The following CERKL variants were observed in gnomAD, a reference collection of about 807,000 sequenced individuals.
The protein encoded by CERKL is ceramide kinase-like protein.
In CERKL, 61 loss-of-function variants were observed where a neutral mutation model predicts 63.4. The observed-to-expected ratio is 0.96, with a 90% CI of 0.78 to 1.19. The LOEUF (loss-of-function observed/expected upper bound fraction) is 1.19, where lower values mean the gene tolerates loss of function less well. Among genes scored for constraint, CERKL ranks in the 50% most tolerant of loss-of-function variants. The probability of loss-of-function intolerance (pLI) is 0.00; values close to 1 mark genes in which losing one functional copy is unlikely to be tolerated. For synonymous variants in CERKL, 250 were observed against 230.5 expected, an observed-to-expected ratio of 1.08 and a Z score of -0.77; for missense variants, 675 against 655.5, an observed-to-expected ratio of 1.03 and a Z score of -0.33.
intron 1 of CERKL, among the ~76,000 whole-genome samples, chr2:181,615,018 TATC>T (rs1362844012): frequency 5.3e-5 from 8 of 152,228 alleles, no homozygotes; most frequent in African/African-American, 7.2e-5. Context: ...GGTTCATTAG[TATC>T]ATACTGGTTA....
intron 1 of CERKL, chr2:181,650,079 A>AAGGGAGGGAGGGAGGGAGGG (rs34125706): frequency 1.4e-4 from 6 of 44,402 alleles, no homozygotes; most frequent in African/African-American, 2.7e-4. Context: ...AGCAATACAG[A>AAGGGAGGGAGGGAGGGAGGG]AGGGAGGGAG....
At chr2:181,653,521 G>T (rs1688022827) in intron 1 of CERKL, among the ~76,000 whole-genome samples, 1 of 152,158 alleles carries the variant, frequency 6.6e-6, no homozygotes. Flanking sequence ...GTACAACAAT[G>T]GATGAATAAA....
rs186409205 is a variant in CERKL at position 181,616,137 on chromosome 2, G to C, written c.239-12058C>G. ...GCTGAGATACTTCTTAAGAATGTAA[G>C]CATTTGAGGATATACAGATATTTTC... On this transcript the variant is annotated intron_variant, in intron 1 of 12. Transcript: ENST00000410087. Among the ~76,000 whole-genome samples the C allele has an allele frequency of 3.6e-3, 548 of 150,230 alleles. 4 individuals are homozygous for C. Among genetic ancestry groups the C allele is most frequent in the African/African-American group, 0.013 (525 of 40,606 alleles).
intron 5 of CERKL, among the ~76,000 whole-genome samples, chr2:181,553,141 G>A (rs1688058962): frequency 6.6e-6 from 1 of 152,132 alleles, no homozygotes; most frequent in African/African-American, 2.4e-5. Context: ...GTGAGTCTAT[G>A]GACCCTAAGT....
At chr2:181,582,832 T>G (rs1271817907) in intron 2 of CERKL, among the ~76,000 whole-genome samples, 1 of 152,062 alleles carries the variant, frequency 6.6e-6, no homozygotes, top group Admixed American at 6.5e-5. Context: ...GCATGAGCCA[T>G]TGCACCTGGC....
At position 181,537,469 on chromosome 2, in the gene CERKL, G is replaced by C; in HGVS notation, c.*715C>G. 2.2e-6 allele frequency: 1 copy of C among 450,348 alleles called. No individual in the cohort carries two copies. Among genetic ancestry groups the C allele is most frequent in the Non-Finnish European group, 4.5e-6 (1 of 224,334 alleles). The allele number at this position is 450,348 out of a possible 1,614,324, so 27.9% of individuals were successfully genotyped here. On this transcript the variant is annotated 3_prime_UTR_variant, in exon 13 of 13. Transcript: ENST00000410087. ...GAATTTTAAAACCCTACCACTTTAA[G>C]AAGACAGGGATGGGTTATTCTTTTT... is the stretch of plus-strand genomic sequence containing the variant.
intron 2 of CERKL, among the ~76,000 whole-genome samples, chr2:181,587,721 T>C (rs1259424891): frequency 6.6e-6 from 1 of 152,152 alleles, no homozygotes; most frequent in Non-Finnish European, 1.5e-5. Flanking sequence ...TAATCCTTCA[T>C]GAACTAGAAA....
intron 1 of CERKL, among the ~76,000 whole-genome samples, chr2:181,616,665 G>A (rs903131826): frequency 1.1e-4 from 17 of 152,102 alleles, no homozygotes; most frequent in African/African-American, 3.6e-4. Context: ...AAAAAGAACA[G>A]TATAATAGAA....
intron 1 of CERKL, among the ~76,000 whole-genome samples, chr2:181,627,907 G>A (rs1686781571): frequency 6.6e-6 from 1 of 152,124 alleles, no homozygotes; most frequent in African/African-American, 2.4e-5. Flanking sequence ...ATATTCTACT[G>A]ATGAAGGAGC....
chr2:181,651,034 T>C (rs1012650601), intron 1 of CERKL, among the ~76,000 whole-genome samples: 2 of 152,126 alleles, frequency 1.3e-5, no homozygotes, highest in African/African-American at 4.8e-5. Context: ...ATTGAATCAG[T>C]AATAAAGTCT....
At chr2:181,627,160 A>C (rs1008607170) in intron 1 of CERKL, among the ~76,000 whole-genome samples, 1 of 152,188 alleles carries the variant, frequency 6.6e-6, no homozygotes, top group African/African-American at 2.4e-5. Context: ...GGTTGATTAA[A>C]TATGGTTCTT....
At position 181,537,517 on chromosome 2, in the gene CERKL, T is replaced by C. The variant is rs1335982336; in HGVS notation, c.*667A>G. The stretch of plus-strand genomic sequence containing the variant: ...TTTTGGCAGGTAGGCTATATAACTA[T>C]GTGATTTTGAAATTTAACTGCTCTG... On this transcript the variant is annotated 3_prime_UTR_variant, in exon 13 of 13. Coordinates refer to ENST00000410087, the MANE Select transcript of CERKL (RefSeq NM_201548.5). The C allele has an allele frequency of 4.4e-6, 2 of 449,646 alleles. No individual in the cohort carries two copies. The highest frequency in any genetic ancestry group is 4.7e-5 in the Admixed American group (2 of 42,118). 27.9% of individuals were successfully genotyped at this position (449,646 alleles called of 1,614,324 possible). A position where few individuals can be genotyped will look rare whatever the true frequency, so the allele number is the denominator to read the frequency against.
At chr2:181,576,887 G>A (rs932363365) in intron 2 of CERKL, among the ~76,000 whole-genome samples, 1 of 152,272 alleles carries the variant, frequency 6.6e-6, no homozygotes, top group Non-Finnish European at 1.5e-5. Flanking sequence ...AAGGACTTAA[G>A]ATGGGTGAGT....
chr2:181,657,086 C>G lies in CERKL; in HGVS notation c.-80G>C. 7.6e-7 allele frequency: 1 copy of G among 1,312,042 alleles called. No homozygotes were observed. The highest frequency in any genetic ancestry group is 1.1e-6 in the Non-Finnish European group (1 of 935,646). The allele number at this position is 1,312,042 out of a possible 1,614,324, so 81.3% of individuals were successfully genotyped here. On this transcript the variant is annotated 5_prime_UTR_variant, in exon 1 of 13. Coordinates refer to ENST00000410087, the MANE Select transcript of CERKL (RefSeq NM_201548.5). ...GAGGTGGAGGGCGCGGCAGCCCCAGCTCTAGCCGCGTCCAGCGCTGCCACA... is the reference window on the plus strand; with the variant it reads ...GAGGTGGAGGGCGCGGCAGCCCCAGGTCTAGCCGCGTCCAGCGCTGCCACA...
intron 1 of CERKL, among the ~76,000 whole-genome samples, chr2:181,624,355 C>T (rs368422181): frequency 1.5e-3 from 224 of 150,084 alleles, no homozygotes; most frequent in African/African-American, 4.8e-3. Context: ...AAGGGAGACC[C>T]CATCTCTAGT....
chr2:181,547,391 AAT>A (rs1687773162), intron 10 of CERKL, among the ~76,000 whole-genome samples: 2 of 152,176 alleles, frequency 1.3e-5, no homozygotes, highest in South Asian at 4.1e-4. Context: ...AAACTTAGGA[AAT>A]ATTATTTTAG....
chr2:181,644,472 A>G lies in CERKL; in HGVS notation c.238+12297T>C, dbSNP rs182323663. On this transcript the variant is annotated intron_variant, in intron 1 of 12. Coordinates refer to ENST00000410087, the MANE Select transcript of CERKL (RefSeq NM_201548.5). ...GGCACCACTGTAGTCAATGAAAAAG[A>G]TATTTTCTGAATTGATGATGCTCTT... Among the ~76,000 whole-genome samples the G allele has an allele frequency of 1.7e-3, 255 of 152,374 alleles. 2 individuals carry two copies. The highest frequency in any genetic ancestry group is 6.1e-3 in the African/African-American group (252 of 41,586).
At chr2:181,619,530 C>T (rs1411541136) in intron 1 of CERKL, among the ~76,000 whole-genome samples, 2 of 152,180 alleles carry the variant, frequency 1.3e-5, no homozygotes, top group African/African-American at 4.8e-5. Flanking sequence ...CAGCACCTAG[C>T]TTAATGCTTC....
At chr2:181,557,502 T>C (rs1269499565) in intron 5 of CERKL, among the ~76,000 whole-genome samples, 1 of 152,148 alleles carries the variant, frequency 6.6e-6, no homozygotes, top group African/African-American at 2.4e-5. Flanking sequence ...TAGGGATGAG[T>C]GATTGTGTAA....
Sources: gnomAD v4.1 joint callset for allele counts (sites outside exome capture counted in the v4.1 genomes callset) on GRCh38, gnomAD v4.1.1 for gene constraint, MANE v1.5 for transcripts, NCBI Gene and HGNC (gene_info 2026-07-23, HGNC 2026-07-21) for gene names.